The following CLEC16A variants were observed in gnomAD, a reference collection of about 807,000 sequenced individuals.
The protein encoded by CLEC16A is C-type lectin domain containing 16A, also known as protein CLEC16A.
Under a neutral mutation model 109.5 loss-of-function variants are expected in CLEC16A, and 51 were observed. The observed-to-expected ratio is 0.47, with a 90% confidence interval of 0.37 to 0.59. The LOEUF (loss-of-function observed/expected upper bound fraction) is 0.59, where lower values mean the gene tolerates loss of function less well. Ranked by LOEUF, CLEC16A falls within the 20% of genes least tolerant of loss-of-function variation. The pLI is 0.00. For missense variants in CLEC16A, 1,339 were observed against 1,394.0 expected (o/e 0.96, Z 0.63); for synonymous variants, 673 against 564.2 (o/e 1.19, Z -2.73).
chr16:11,078,195 C>T (rs1387821473), intron 19 of CLEC16A, among the ~76,000 whole-genome samples: 6 of 118 alleles, frequency 0.051, no homozygotes, highest in Non-Finnish European at 0.083. Context: ...GTGGGTGGTG[C>T]GAAGGCCCTG....
intron 1 of CLEC16A, among the ~76,000 whole-genome samples, chr16:10,946,334 A>G (rs67839826): frequency 0.25 from 38,469 of 152,138 alleles, 5,637 homozygotes; most frequent in African/African-American, 0.41. Context: ...GCAGGGCCAC[A>G]GTTCTCAGCT....
chr16:11,174,405 G>A lies in CLEC16A; in HGVS notation c.2807-3930G>A, dbSNP rs1016449984. Reference sequence around the variant, plus strand: ...TGAGCACAGAGCCATTTGCCAAGGCGGCACTTCCCCATTTTCCCCCAAAGT... The same window carrying A: ...TGAGCACAGAGCCATTTGCCAAGGCAGCACTTCCCCATTTTCCCCCAAAGT... On this transcript the variant is annotated intron_variant, in intron 23 of 23. Coordinates refer to ENST00000409790, the MANE Select transcript of CLEC16A (RefSeq NM_015226.3). This position sits in a 1 kb window ranked among gnomAD's most constrained non-coding sequence, Gnocchi z 4.7. 5.6e-5 allele frequency: 20 copies of A among 353,982 alleles called. No homozygotes were observed. The highest frequency in any genetic ancestry group is 2.1e-4 in the African/African-American group (10 of 46,876). The allele number at this position is 353,982 out of a possible 1,614,324, so 21.9% of individuals were successfully genotyped here.
At chr16:11,067,168 G>GT (rs796323895) in intron 19 of CLEC16A, among the ~76,000 whole-genome samples, 71 of 124,690 alleles carry the variant, frequency 5.7e-4, no homozygotes, top group Middle Eastern at 4.2e-3. Context: ...TTTTTTTTTG[G>GT]TTTTTTTTTT....
At chr16:11,094,162 G>A (rs764837020) in intron 19 of CLEC16A, among the ~76,000 whole-genome samples, 4 of 152,246 alleles carry the variant, frequency 2.6e-5, no homozygotes, top group Middle Eastern at 3.4e-3. Flanking sequence ...TTCCTCTTTT[G>A]TACAGGGCCC....
intron 19 of CLEC16A, among the ~76,000 whole-genome samples, chr16:11,068,318 C>A (rs1057129970): frequency 6.6e-6 from 1 of 152,212 alleles, no homozygotes. Flanking sequence ...GCTAGTAAAG[C>A]ATTTGCAAGC....
chr16:11,045,275 G>T (rs1041939591), intron 16 of CLEC16A, among the ~76,000 whole-genome samples: 19 of 152,176 alleles, frequency 1.2e-4, no homozygotes, highest in African/African-American at 4.6e-4. Flanking sequence ...ATGAACTGGG[G>T]AGGCAAAGCT....
intron 22 of CLEC16A, among the ~76,000 whole-genome samples, chr16:11,154,289 T>A (rs977798166): frequency 2.6e-5 from 4 of 152,254 alleles, no homozygotes; most frequent in Non-Finnish European, 5.9e-5. Flanking sequence ...AGTTGAATAT[T>A]GGCAGTTGCA....
intron 23 of CLEC16A, among the ~76,000 whole-genome samples, chr16:11,167,558 A>T (rs1289144963): frequency 1.3e-5 from 2 of 152,154 alleles, no homozygotes; most frequent in African/African-American, 4.8e-5. Flanking sequence ...CTCCCTGGGC[A>T]CCTACACCTC....
At chr16:10,997,596 C>T (rs534889016) in intron 10 of CLEC16A, among the ~76,000 whole-genome samples, 6 of 152,210 alleles carry the variant, frequency 3.9e-5, no homozygotes, top group South Asian at 4.1e-4. Flanking sequence ...ATGTTCTTTA[C>T]GTGTAAATAG....
chr16:11,162,472 C>G (rs757426825), intron 22 of CLEC16A, among the ~76,000 whole-genome samples: 7 of 152,130 alleles, frequency 4.6e-5, no homozygotes, highest in Admixed American at 1.3e-4. Context: ...CAATAGGAGT[C>G]TTGGAAAATT....
At chr16:10,980,660 CACCCAATT>C (rs2043272568) in intron 9 of CLEC16A, among the ~76,000 whole-genome samples, 1 of 152,128 alleles carries the variant, frequency 6.6e-6, no homozygotes, top group Non-Finnish European at 1.5e-5. Flanking sequence ...GTAGCCCATG[CACCCAATT>C]ACTTGTTTCA....
intron 19 of CLEC16A, among the ~76,000 whole-genome samples, chr16:11,083,387 C>G (rs1201852304): frequency 1.3e-5 from 2 of 152,202 alleles, no homozygotes; most frequent in Non-Finnish European, 1.5e-5. Flanking sequence ...TAGTCTTAAA[C>G]TCCTGGGCTC....
At chr16:10,967,148 T>C (rs760508241) in intron 3 of CLEC16A, among the ~76,000 whole-genome samples, 1 of 152,178 alleles carries the variant, frequency 6.6e-6, no homozygotes, top group African/African-American at 2.4e-5. Context: ...GTGGCTTTTC[T>C]GAATGCAGTG....
chr16:11,121,059 T>A (rs74931859), intron 20 of CLEC16A, among the ~76,000 whole-genome samples: 92 of 152,350 alleles, frequency 6.0e-4, no homozygotes, highest in Admixed American at 3.4e-3. Context: ...GCCAAAGGCA[T>A]ATATAAATGT....
intron 19 of CLEC16A, chr16:11,066,855 C>T (rs1157100480): frequency 1.3e-5 from 2 of 152,130 alleles, no homozygotes; most frequent in Non-Finnish European, 2.9e-5. Context: ...CTGGAAAATA[C>T]TCATCAAGTA....
intron 17 of CLEC16A, 85 bp from the exon 18 acceptor site, chr16:11,051,428 C>T (rs1044297200): frequency 1.1e-5 from 16 of 1,395,994 alleles, no homozygotes; most frequent in African/African-American, 8.6e-5. Context: ...CGGTTGAAGG[C>T]GAGGGGCCTG....
At chr16:11,150,865 C>G (rs1381050709) in intron 22 of CLEC16A, among the ~76,000 whole-genome samples, 3 of 152,198 alleles carry the variant, frequency 2.0e-5, no homozygotes, top group African/African-American at 4.8e-5. Context: ...TGCTGGCAAT[C>G]TTTGCTACTT....
chr16:10,969,575 C>T (rs1328984128), intron 4 of CLEC16A, among the ~76,000 whole-genome samples: 2 of 152,130 alleles, frequency 1.3e-5, no homozygotes, highest in Admixed American at 6.5e-5. Context: ...CTTGAACTTC[C>T]GGGGCACAAG....
At chr16:10,969,086 G>A (rs1233452548) in intron 3 of CLEC16A, 75 bp from the exon 4 acceptor site, 8 of 1,235,418 alleles carry the variant, frequency 6.5e-6, no homozygotes, top group Admixed American at 2.1e-5. Flanking sequence ...GTACATTAAC[G>A]TGGTCATCTG....
Sources: gnomAD v4.1 joint callset for allele counts (sites outside exome capture counted in the v4.1 genomes callset) on GRCh38, gnomAD v4.1.1 for gene constraint, Gnocchi (gnomAD v3.1) non-coding constraint, MANE v1.5 for transcripts, NCBI Gene and HGNC (gene_info 2026-07-23, HGNC 2026-07-21) for gene names.